TRAM1: variants seen among roughly 807,000 people sequenced by gnomAD.
TRAM1 encodes translocation associated membrane protein 1, also known as translocating chain-associated membrane protein 1.
TRAM1 carries 17 observed loss-of-function variants against 48.7 expected under a neutral mutation model. That is an observed-to-expected ratio of 0.35 (90% confidence interval 0.24 to 0.52). The LOEUF is 0.52. Among genes scored for constraint, TRAM1 ranks in the 20% least tolerant of loss-of-function variants. TRAM1 has a pLI of 0.94. For missense variants in TRAM1, 351 were observed against 441.5 expected, an observed-to-expected ratio of 0.79 and a Z score of 1.84; for synonymous variants, 182 against 154.0, an observed-to-expected ratio of 1.18 and a Z score of -1.34.
In TRAM1 at chr8:70,607,826, C is replaced by G. The variant is rs1029146576; in HGVS notation, c.123+251G>C. The G allele has an allele frequency of 2.5e-5, 8 of 322,620 alleles. No individual in the cohort carries two copies. In the East Asian group the frequency reaches 4.1e-4, roughly 16 times the overall value. 20.0% of individuals were successfully genotyped at this position (322,620 alleles called of 1,614,324 possible). On this transcript the variant is annotated intron_variant, in intron 1 of 10. Coordinates refer to ENST00000262213, the MANE Select transcript of TRAM1 (RefSeq NM_014294.6). ...CGGCGGCGGGTCAGGAAGGGGGCGA[C>G]GCGGCGGTCCCCACCCCCTGCGGGC...
Position 70,583,296 on chromosome 8 carries a change from T to A in TRAM1, c.919A>T (p.Thr307Ser). 1 of 1,613,796 alleles carries A rather than the reference T, an allele frequency of 6.2e-7. No individual in the cohort carries two copies. The highest frequency in any genetic ancestry group is 8.5e-7 in the Non-Finnish European group (1 of 1,179,936). Residue 307 changes from threonine (T) to serine (S), a missense_variant, in exon 10 of 11, where the codon ACT (threonine) becomes TCT (serine). Physicochemically the swap from Thr to Ser is moderately conservative, Grantham distance 58. Coordinates refer to ENST00000262213, the MANE Select transcript of TRAM1 (RefSeq NM_014294.6). ...RIAVLASICV[T>S]QAFMMWKFIN... ...AACTTCCACATCATAAATGCCTGAG[T>A]AACGCAAATGGATGCCAGAACAGCG...
At chr8:70,576,538 C>T (rs956979649) in intron 10 of TRAM1, among the ~76,000 whole-genome samples, 6 of 152,168 alleles carry the variant, frequency 3.9e-5, no homozygotes, top group Admixed American at 1.3e-4. Flanking sequence ...AAAAGAGAAA[C>T]GACTAAGAAA....
At chr8:70,594,641 A>T (rs774652243) in intron 5 of TRAM1, 51 bp from the exon 6 acceptor site, 9 of 1,411,690 alleles carry the variant, frequency 6.4e-6, no homozygotes, top group Middle Eastern at 2.0e-4. Context: ...AATTTTTTTA[A>T]AAAAAAGTAA....
At chr8:70,601,092 TAGA>T (rs1262072750) in intron 1 of TRAM1, among the ~76,000 whole-genome samples, 1 of 152,186 alleles carries the variant, frequency 6.6e-6, no homozygotes, top group Non-Finnish European at 1.5e-5. Flanking sequence ...TTATGCCTTT[TAGA>T]AGGATTGCTC....
In TRAM1 at chr8:70,608,242, C is replaced by T. The variant is rs1817796967; in HGVS notation, c.-43G>A. On this transcript the variant is annotated 5_prime_UTR_variant, in exon 1 of 11. Coordinates refer to ENST00000262213, the MANE Select transcript of TRAM1 (RefSeq NM_014294.6). The stretch of plus-strand genomic sequence containing the variant: ...CGCCTGCAGGTGCTCCGCCCCGGTT[C>T]TGCTCTTCCCAGCTGCTCACCGACT... 3 of 1,554,250 alleles carry T rather than the reference C, an allele frequency of 1.9e-6. No individual in the cohort carries two copies. The highest frequency in any genetic ancestry group is 2.6e-6 in the Non-Finnish European group (3 of 1,155,646).
chr8:70,606,805 G>A, intron 1 of TRAM1: 1 of 796,386 alleles, frequency 1.3e-6, no homozygotes, highest in Non-Finnish European at 1.5e-6. Context: ...CGAAAATAAG[G>A]TTAAAATATT....
Position 70,586,926 on chromosome 8 carries a change from A to C in TRAM1, c.715T>G (p.Phe239Val). The C allele has an allele frequency of 6.2e-7, 1 of 1,613,884 alleles. No individual in the cohort carries two copies. Among genetic ancestry groups the C allele is most frequent in the Non-Finnish European group, 8.5e-7 (1 of 1,179,882 alleles). Residue 239 changes from phenylalanine to valine, a missense_variant, in exon 8 of 11, where the codon TTT becomes GTT. By Grantham distance (50) the Phe-to-Val change is conservative. Coordinates refer to ENST00000262213, the MANE Select transcript of TRAM1 (RefSeq NM_014294.6). ...VEFLFHISRL[F>V]YFSNEKYQKG... ...TGATACTTTTCATTGCTAAAATAAA[A>C]CAGGCGGGAAATGTGGAAAAGAAAT...
intron 6 of TRAM1, among the ~76,000 whole-genome samples, chr8:70,591,531 C>T (rs1470307312): frequency 6.6e-6 from 1 of 152,088 alleles, no homozygotes; most frequent in African/African-American, 2.4e-5. Flanking sequence ...ATTATAAAAT[C>T]GTAAATAACT....
chr8:70,598,338 CAA>C (rs1817535326), intron 2 of TRAM1, 83 bp from the exon 3 acceptor site: 7 of 1,352,906 alleles, frequency 5.2e-6, no homozygotes, highest in Non-Finnish European at 6.9e-6. Context: ...GTTATGGAAA[CAA>C]AGAAGAATAA....
At chr8:70,577,407 G>A (rs769620155) in intron 10 of TRAM1, among the ~76,000 whole-genome samples, 1 of 152,162 alleles carries the variant, frequency 6.6e-6, no homozygotes, top group Non-Finnish European at 1.5e-5. Flanking sequence ...AGTGTTTTCT[G>A]GGCCCACCCA....
At chr8:70,598,428 T>C (rs998530966) in intron 2 of TRAM1, among the ~76,000 whole-genome samples, 173 bp from the exon 3 acceptor site, 1 of 152,046 alleles carries the variant, frequency 6.6e-6, no homozygotes, top group Non-Finnish European at 1.5e-5. Context: ...GCAATGAAAA[T>C]CAAAACTATC....
intron 6 of TRAM1, among the ~76,000 whole-genome samples, 178 bp downstream of exon 6, chr8:70,594,328 A>G (rs1390134384): frequency 1.4e-5 from 2 of 142,272 alleles, no homozygotes; most frequent in Non-Finnish European, 3.1e-5. Context: ...TTTTTTCAAG[A>G]AATGCTTAAG....
At chr8:70,576,866 T>G (rs1816964890) in intron 10 of TRAM1, among the ~76,000 whole-genome samples, 3 of 152,124 alleles carry the variant, frequency 2.0e-5, no homozygotes, top group Admixed American at 2.0e-4. Context: ...CCCTACTACC[T>G]CTGCAGGCTT....
chr8:70,601,436 T>C (rs970691149), intron 1 of TRAM1, among the ~76,000 whole-genome samples: 1 of 152,172 alleles, frequency 6.6e-6, no homozygotes, highest in African/African-American at 2.4e-5. Context: ...CTTTGTTAGA[T>C]TATCTCAGAG....
chr8:70,583,912 C>T, intron 8 of TRAM1, 119 bp from the exon 9 acceptor site: 1 of 1,178,942 alleles, frequency 8.5e-7, no homozygotes, highest in East Asian at 2.9e-5. Context: ...ACTTGGGAGG[C>T]TGAGGCAGGA....
chr8:70,598,692 T>C (rs1232605970), intron 2 of TRAM1, among the ~76,000 whole-genome samples: 1 of 152,226 alleles, frequency 6.6e-6, no homozygotes, highest in East Asian at 1.9e-4. Context: ...TTGACCTGTA[T>C]TTGATTTAGT....
intron 1 of TRAM1, among the ~76,000 whole-genome samples, chr8:70,606,030 C>T (rs1817711381): frequency 6.6e-6 from 1 of 152,124 alleles, no homozygotes; most frequent in Non-Finnish European, 1.5e-5. Flanking sequence ...GGTCACAGTA[C>T]CCCTAAAATA....
chr8:70,594,988 A>G (rs932754663), intron 5 of TRAM1, among the ~76,000 whole-genome samples: 4 of 152,142 alleles, frequency 2.6e-5, no homozygotes, highest in Non-Finnish European at 5.9e-5. Context: ...AAAGGCTCAT[A>G]GATTAATAAT....
chr8:70,604,103 T>C (rs577719384), intron 1 of TRAM1, among the ~76,000 whole-genome samples: 46 of 152,318 alleles, frequency 3.0e-4, no homozygotes, highest in African/African-American at 1.1e-3. Context: ...TATGACAGTT[T>C]GAACATTTAC....
Sources: allele counts gnomAD v4.1 joint callset (sites outside exome capture counted in the v4.1 genomes callset), GRCh38; gene constraint gnomAD v4.1.1; transcripts MANE v1.5; gene names NCBI Gene and HGNC (gene_info 2026-07-23, HGNC 2026-07-21).